USP45: variants seen among roughly 807,000 people sequenced by gnomAD.
USP45 encodes the protein ubiquitin carboxyl-terminal hydrolase 45.
USP45 carries 89 observed loss-of-function variants against 95.8 expected under a neutral mutation model. The ratio of observed to expected loss-of-function variants is 0.93; its 90% CI spans 0.78 to 1.11. The LOEUF is 1.11. Ranked by LOEUF, USP45 falls within the 50% of genes least tolerant of loss-of-function variation. The pLI is 0.00. For synonymous variants in USP45, 281 were observed against 316.2 expected, an observed-to-expected ratio of 0.89 and a Z score of 1.18; for missense variants, 898 against 942.5, an observed-to-expected ratio of 0.95 and a Z score of 0.62.
chr6:99,516,029 G>A (rs1385617665), upstream of USP45, among the ~76,000 whole-genome samples: 17 of 151,768 alleles, frequency 1.1e-4, no homozygotes, highest in African/African-American at 4.1e-4. Context: ...CGCCCGCCCC[G>A]GCCTCCCAAA....
intron 2 of USP45, among the ~76,000 whole-genome samples, chr6:99,509,421 T>C (rs1470462220): frequency 6.6e-6 from 1 of 152,142 alleles, no homozygotes; most frequent in African/African-American, 2.4e-5. Context: ...AGTGTGTTTG[T>C]GTATAGCTGT....
At chr6:99,505,300 T>C (rs1369600912) in intron 4 of USP45, among the ~76,000 whole-genome samples, 1 of 152,158 alleles carries the variant, frequency 6.6e-6, no homozygotes, top group Non-Finnish European at 1.5e-5. Flanking sequence ...ATTACCTGTT[T>C]CCTTTATCCT....
At chr6:99,512,383 C>T (rs1489276459) in intron 1 of USP45, among the ~76,000 whole-genome samples, 1 of 152,188 alleles carries the variant, frequency 6.6e-6, no homozygotes, top group African/African-American at 2.4e-5. Context: ...TATAATGTCT[C>T]ACACTGAATT....
chr6:99,488,017 A>G (rs1295891491), intron 7 of USP45, among the ~76,000 whole-genome samples, 183 bp downstream of exon 7: 1 of 152,192 alleles, frequency 6.6e-6, no homozygotes, highest in East Asian at 1.9e-4. Flanking sequence ...TGGAACCATA[A>G]CATACCTTAA....
At chr6:99,504,468 C>T (rs964692652) in intron 4 of USP45, among the ~76,000 whole-genome samples, 1 of 152,206 alleles carries the variant, frequency 6.6e-6, no homozygotes, top group Non-Finnish European at 1.5e-5. Flanking sequence ...ACATCACTCT[C>T]ACTAATGTGA....
intron 5 of USP45, among the ~76,000 whole-genome samples, chr6:99,499,723 T>G (rs944866508): frequency 6.6e-6 from 1 of 152,230 alleles, no homozygotes; most frequent in Admixed American, 6.5e-5. Flanking sequence ...CTTATATTAG[T>G]GCTTCCCACC....
chr6:99,462,576 G>C (rs937215992), intron 13 of USP45: 2 of 985,124 alleles, frequency 2.0e-6, no homozygotes, highest in Non-Finnish European at 2.4e-6. Context: ...TGCTCAAATT[G>C]AATTTAACTG....
At chr6:99,486,049 G>C (rs989468194) in intron 7 of USP45, among the ~76,000 whole-genome samples, 1 of 152,178 alleles carries the variant, frequency 6.6e-6, no homozygotes, top group Admixed American at 6.5e-5. Flanking sequence ...CTGAATGTTT[G>C]TTCCCCTAAT....
At chr6:99,468,428 A>G (rs528278159) in intron 10 of USP45, 109 bp downstream of exon 10, 1 of 725,040 alleles carries the variant, frequency 1.4e-6, no homozygotes, top group South Asian at 1.7e-5. Flanking sequence ...CTCCTTTTAA[A>G]GCCACTACTT....
intron 5 of USP45, among the ~76,000 whole-genome samples, chr6:99,495,060 T>A (rs1015825645): frequency 6.6e-6 from 1 of 152,036 alleles, no homozygotes; most frequent in East Asian, 1.9e-4. Context: ...CTGGCAACAA[T>A]GACATTAAAA....
At chr6:99,460,279 C>G (rs1786105192) in intron 13 of USP45, among the ~76,000 whole-genome samples, 1 of 152,090 alleles carries the variant, frequency 6.6e-6, no homozygotes, top group Non-Finnish European at 1.5e-5. Context: ...CAAGGAGCTT[C>G]TCTTTTTGTT....
intron 13 of USP45, among the ~76,000 whole-genome samples, chr6:99,458,777 A>G (rs1464117766): frequency 2.6e-5 from 4 of 152,224 alleles, no homozygotes; most frequent in Non-Finnish European, 2.9e-5. Context: ...AAATATGCAG[A>G]AATTGAGCAG....
At chr6:99,454,769 G>A (rs907054055) in intron 13 of USP45, among the ~76,000 whole-genome samples, 15 of 152,166 alleles carry the variant, frequency 9.9e-5, no homozygotes, top group Non-Finnish European at 1.9e-4. Context: ...TGGTGGGAAT[G>A]TAATTAGTAC....
intron 5 of USP45, among the ~76,000 whole-genome samples, chr6:99,489,074 T>C (rs1414159157): frequency 6.6e-6 from 1 of 152,152 alleles, no homozygotes; most frequent in African/African-American, 2.4e-5. Context: ...ATTAAAAAAC[T>C]AAATGTAAAA....
intron 1 of USP45, chr6:99,514,817 C>T (rs1265016523): frequency 2.0e-5 from 3 of 152,172 alleles, no homozygotes; most frequent in African/African-American, 7.2e-5. Flanking sequence ...GTTCTAAGCA[C>T]TTCACAAATA....
At chr6:99,463,387 C>G (rs1459143897) in intron 13 of USP45, among the ~76,000 whole-genome samples, 1 of 152,116 alleles carries the variant, frequency 6.6e-6, no homozygotes, top group Non-Finnish European at 1.5e-5. Flanking sequence ...GTAATTAAAT[C>G]TGAACCTAAC....
At chr6:99,512,376 A>C (rs1489184326) in intron 1 of USP45, among the ~76,000 whole-genome samples, 6 of 152,194 alleles carry the variant, frequency 3.9e-5, no homozygotes, top group Admixed American at 3.9e-4. Flanking sequence ...AAAGTTATAT[A>C]ATGTCTCACA....
chr6:99,455,116 AAC>A (rs1164682635), intron 13 of USP45, among the ~76,000 whole-genome samples: 1 of 151,384 alleles, frequency 6.6e-6, no homozygotes, highest in African/African-American at 2.4e-5. Flanking sequence ...AAAACAAAAA[AAC>A]AAAACACAAC....
chr6:99,443,438 A>C, intron 15 of USP45, 127 bp downstream of exon 15: 1 of 551,008 alleles, frequency 1.8e-6, no homozygotes, highest in Non-Finnish European at 3.1e-6. Context: ...TGAGCAGTAA[A>C]TCTCACATGA....
Sources: allele counts gnomAD v4.1 joint callset (sites outside exome capture counted in the v4.1 genomes callset), GRCh38; gene constraint gnomAD v4.1.1; transcripts MANE v1.5; gene names NCBI Gene and HGNC (gene_info 2026-07-23, HGNC 2026-07-21).